SLC22A8: variants seen among roughly 807,000 people sequenced by gnomAD.
The protein encoded by SLC22A8 is organic anion transporter 3.
SLC22A8 carries 40 observed loss-of-function variants against 48.4 expected under a neutral mutation model. That is an observed-to-expected ratio of 0.83 (90% CI 0.64 to 1.08). SLC22A8 has a LOEUF of 1.08. SLC22A8 is among the 50% of genes least tolerant of loss of function. SLC22A8 has a pLI of 0.00. For synonymous variants in SLC22A8, 268 were observed against 286.3 expected, an observed-to-expected ratio of 0.94 and a Z score of 0.65; for missense variants, 606 against 699.0, an observed-to-expected ratio of 0.87 and a Z score of 1.50.
intron 2 of SLC22A8, among the ~76,000 whole-genome samples, chr11:63,012,097 C>T (rs1226807988): frequency 6.6e-6 from 1 of 151,610 alleles, no homozygotes; most frequent in African/African-American, 2.4e-5. Context: ...TCAAGCAATT[C>T]TCCTGTCTCA....
At chr11:62,999,890 C>T (rs758421340) in intron 3 of SLC22A8, 48 bp from the exon 4 acceptor site, 4 of 1,409,908 alleles carry the variant, frequency 2.8e-6, no homozygotes, top group Non-Finnish European at 2.8e-6. Context: ...AGTGTGCCTG[C>T]CAAGAGGAGT....
intron 3 of SLC22A8, among the ~76,000 whole-genome samples, chr11:63,000,373 A>C (rs1359214901): frequency 6.6e-6 from 1 of 151,674 alleles, no homozygotes; most frequent in Non-Finnish European, 1.5e-5. Flanking sequence ...AATCCCAGCT[A>C]CTCGGGTGGC....
chr11:63,012,988 GGT>G (rs535860313), intron 2 of SLC22A8, among the ~76,000 whole-genome samples: 13 of 152,222 alleles, frequency 8.5e-5, no homozygotes, highest in Admixed American at 8.5e-4. Context: ...GTGGAGGGCA[GGT>G]GTGTGTGTTT....
Position 62,993,143 on chromosome 11 carries a change from T to C in SLC22A8, c.*94A>G, listed in dbSNP as rs901470974. On this transcript the variant is annotated 3_prime_UTR_variant, in exon 11 of 11. Transcript: ENST00000336232. ...ACCAAGCTCTCAGAAGGCTTCATCC[T>C]AGGAGGATGGACCTATATGGGGCCT... 8 of 886,652 alleles carry C rather than the reference T, an allele frequency of 9.0e-6. No homozygotes were observed. The South Asian group carries it at 1.4e-4, about 15-fold the overall frequency. The allele number at this position is 886,652 out of a possible 1,614,324, so 54.9% of individuals were successfully genotyped here.
intron 2 of SLC22A8, 81 bp from the exon 3 acceptor site, chr11:63,000,904 G>A (rs1431065944): frequency 4.1e-5 from 44 of 1,073,024 alleles, no homozygotes; most frequent in Non-Finnish European, 3.5e-5. Context: ...CCTCATACAT[G>A]TGGGCTTCCT....
chr11:62,993,456 G>C lies in SLC22A8; in HGVS notation c.1497C>G (p.Pro499=). The C allele has an allele frequency of 6.2e-7, 1 of 1,614,186 alleles. No homozygotes were observed. The highest frequency in any genetic ancestry group is 1.3e-5 in the African/African-American group (1 of 75,040). ...CCAGGTCTTCGATAGTCTCTGGCAA[G>C]GGCTGATTCAGGGTCTCAGGCAGGA... ...ALFLPETLNQ[P]LPETIEDLEN... The change falls in exon 10 of 11, where the codon CCC becomes CCG. Residue 499 remains proline, a synonymous_variant. Transcript: ENST00000336232.
At chr11:62,994,986 G>A in intron 7 of SLC22A8, 1 of 572,498 alleles carries the variant, frequency 1.7e-6, no homozygotes, top group Non-Finnish European at 3.1e-6. Context: ...CCAGGGTGTG[G>A]TGGCAAAGGT....
At chr11:63,006,187 T>C (rs550029966) in intron 2 of SLC22A8, among the ~76,000 whole-genome samples, 2 of 152,320 alleles carry the variant, frequency 1.3e-5, no homozygotes, top group African/African-American at 4.8e-5. Flanking sequence ...TGTGTTTCCC[T>C]TGACTGTGTC....
In SLC22A8 at chr11:62,993,643, G is replaced by T. The variant is rs1372487515; in HGVS notation, c.1326-16C>A. The stretch of plus-strand genomic sequence containing the variant: ...ACCTGTTTGCCTGCGAGGGTTCAGA[G>T]TAGGGATTGGTAGCCTGTGTGTGGG... On this transcript the variant is annotated splice_polypyrimidine_tract_variant and intron_variant, in intron 9 of 10. Coordinates refer to ENST00000336232, the MANE Select transcript of SLC22A8 (RefSeq NM_004254.4). The T allele has an allele frequency of 6.2e-7, 1 of 1,603,230 alleles. No homozygotes were observed. Among genetic ancestry groups the T allele is most frequent in the Non-Finnish European group, 8.5e-7 (1 of 1,172,652 alleles).
rs2086375129 is a variant in SLC22A8, at chr11:62,993,828, A to G, written c.1267T>C (p.Ser423Pro). Reference protein sequence around the residue: ...VLAVFGKGCLSSSFSCLFLYT... With the variant: ...VLAVFGKGCLPSSFSCLFLYT... ...AGGAAGAGGCAGCTGAAGGAGCTGG[A>G]TAGGCATCCCTTCCCAAACACAGCC... Residue 423 changes from serine to proline, a missense_variant, in exon 9 of 11, where the codon TCC becomes CCC. Ser to Pro is a moderately conservative substitution (Grantham distance 74). Coordinates refer to ENST00000336232, the MANE Select transcript of SLC22A8 (RefSeq NM_004254.4). The G allele has an allele frequency of 6.2e-7, 1 of 1,614,048 alleles. No homozygotes were observed. The highest frequency in any genetic ancestry group is 1.7e-5 in the Admixed American group (1 of 60,026).
Position 63,014,781 on chromosome 11 carries a change from A to G in SLC22A8, c.178T>C (p.Trp60Arg), listed in dbSNP as rs1289061749. 1.2e-6 allele frequency: 2 copies of G among 1,613,668 alleles called. No individual in the cohort carries two copies. The highest frequency in any genetic ancestry group is 2.2e-5 in the East Asian group (1 of 44,854). ...RPPHNASTGP[W>R]VLPMGPNGKP... ...CCATTTGGGCCCATGGGGAGCACCCAAGGCCCTGTGGAGGCATTGTGGGGC... is the reference window on the plus strand; with the variant it reads ...CCATTTGGGCCCATGGGGAGCACCCGAGGCCCTGTGGAGGCATTGTGGGGC... Residue 60 changes from tryptophan to arginine, a missense_variant, in exon 2 of 11, where the codon TGG (tryptophan) becomes CGG (arginine). Trp to Arg is a moderately radical substitution (Grantham distance 101). Transcript: ENST00000336232.
intron 2 of SLC22A8, 60 bp from the exon 3 acceptor site, chr11:63,000,883 T>TGAG: frequency 7.5e-7 from 1 of 1,335,410 alleles, no homozygotes. Context: ...TCAGCCATGC[T>TGAG]CAGCCTGTGG....
At chr11:63,012,783 G>A (rs1158957423) in intron 2 of SLC22A8, among the ~76,000 whole-genome samples, 2 of 152,304 alleles carry the variant, frequency 1.3e-5, no homozygotes, top group South Asian at 2.1e-4. Flanking sequence ...TCTGCGTCTC[G>A]CTGGTGGTGT....
At position 62,993,647 on chromosome 11, in the gene SLC22A8, G is replaced by A. The variant is rs1425437330; in HGVS notation, c.1326-20C>T. ...GTTTGCCTGCGAGGGTTCAGAGTAGGGATTGGTAGCCTGTGTGTGGGGTTC... is the reference window on the plus strand; with the variant it reads ...GTTTGCCTGCGAGGGTTCAGAGTAGAGATTGGTAGCCTGTGTGTGGGGTTC... On this transcript the variant is annotated intron_variant, in intron 9 of 10. Coordinates refer to ENST00000336232, the MANE Select transcript of SLC22A8 (RefSeq NM_004254.4). 6.2e-7 allele frequency: 1 copy of A among 1,603,438 alleles called. No individual in the cohort carries two copies. Among genetic ancestry groups the A allele is most frequent in the African/African-American group, 1.3e-5 (1 of 74,740 alleles).
intron 2 of SLC22A8, among the ~76,000 whole-genome samples, chr11:63,010,852 C>T (rs1361820447): frequency 1.3e-5 from 2 of 152,358 alleles, no homozygotes; most frequent in South Asian, 2.1e-4. Flanking sequence ...CCTCTCTCTC[C>T]GTCTGGCCTT....
Position 62,996,124 on chromosome 11 carries a change from C to G in SLC22A8, c.790G>C (p.Val264Leu). The G allele has an allele frequency of 1.9e-6, 3 of 1,612,044 alleles. No individual in the cohort carries two copies. The highest frequency in any genetic ancestry group is 2.5e-6 in the Non-Finnish European group (3 of 1,178,988). The stretch of plus-strand genomic sequence containing the variant: ...GCCTTCGAGGACTTTCCAGACAAGA[C>G]CAACCAGCGTATGGACTCTGGTGTC... The part of the protein sequence containing the change: ...WWTPESIRWL[V>L]LSGKSSKALK... The change falls in exon 6 of 11, where the codon GTC becomes CTC. Residue 264 changes from valine to leucine, a missense_variant. Coordinates refer to ENST00000336232, the MANE Select transcript of SLC22A8 (RefSeq NM_004254.4).
chr11:62,995,397 A>T, intron 7 of SLC22A8: 2 of 434,498 alleles, frequency 4.6e-6, no homozygotes, highest in Admixed American at 7.8e-5. Flanking sequence ...GCAGTGACAG[A>T]GAGGGAGAGC....
intron 3 of SLC22A8, among the ~76,000 whole-genome samples, chr11:63,000,055 C>T (rs993698172): frequency 2.0e-5 from 3 of 152,242 alleles, no homozygotes; most frequent in Non-Finnish European, 4.4e-5. Flanking sequence ...ATCTCCTCTA[C>T]ATCCGCCTCA....
In SLC22A8 at chr11:62,995,406, G is replaced by T. The variant is rs1051212666; in HGVS notation, c.1001+298C>A. The T allele has an allele frequency of 2.2e-5, 10 of 457,954 alleles. No individual in the cohort carries two copies. In the South Asian group the frequency reaches 2.8e-4, roughly 13 times the overall value. The allele number at this position is 457,954 out of a possible 1,614,324, so 28.4% of individuals were successfully genotyped here. On this transcript the variant is annotated intron_variant, in intron 7 of 10. Transcript: ENST00000336232. ...AGGGGGGCAGTGACAGAGAGGGAGAGCATGGGGACACTGAGCGGCAGGGAT... is the reference window on the plus strand; with the variant it reads ...AGGGGGGCAGTGACAGAGAGGGAGATCATGGGGACACTGAGCGGCAGGGAT...
Sources: gnomAD v4.1 joint callset for allele counts (sites outside exome capture counted in the v4.1 genomes callset) on GRCh38, gnomAD v4.1.1 for gene constraint, MANE v1.5 for transcripts, NCBI Gene and HGNC (gene_info 2026-07-23, HGNC 2026-07-21) for gene names.